Variants in INHBC observed in about 807,000 individuals in gnomAD.
The protein encoded by INHBC is inhibin subunit beta C.
A neutral mutation model predicts 12.4 loss-of-function variants in INHBC; 10 were observed. The observed-to-expected ratio is 0.81, with a 90% CI of 0.50 to 1.37. The LOEUF (loss-of-function observed/expected upper bound fraction) is 1.37, where lower values mean the gene tolerates loss of function less well. INHBC is among the 40% of genes most tolerant of loss of function. INHBC has a pLI of 0.00. For synonymous variants in INHBC, 147 were observed against 171.6 expected, an observed-to-expected ratio of 0.86 and a Z score of 1.12; for missense variants, 382 against 439.4, an observed-to-expected ratio of 0.87 and a Z score of 1.17.
rs761545181 is a variant in INHBC at position 57,435,114 on chromosome 12, G to C, written c.228G>C (p.Leu76=). The C allele has an allele frequency of 1.9e-6, 3 of 1,614,160 alleles. No individual in the cohort carries two copies. The South Asian group carries it at 3.3e-5, about 18-fold the overall frequency. ...PVSRAALRTA[L]QHLHGVPQGA... ...CCAGAGCTGCTTTGAGGACTGCACT[G>C]CAGCACCTCCACGGGGTCCCACAGG... The change falls in exon 1 of 2, where the codon CTG becomes CTC. Residue 76 remains leucine (L), a synonymous_variant. Transcript: ENST00000309668.
chr12:57,447,651 A>G (rs1870608737), intron 1 of INHBC, among the ~76,000 whole-genome samples: 1 of 149,070 alleles, frequency 6.7e-6, no homozygotes, highest in African/African-American at 2.5e-5. Context: ...TTGGGAGGCT[A>G]AGCAGGGCGA....
intron 1 of INHBC, among the ~76,000 whole-genome samples, chr12:57,439,496 T>C (rs1870412888): frequency 6.6e-6 from 1 of 152,226 alleles, no homozygotes; most frequent in Admixed American, 6.5e-5. Context: ...TGTTTGTGGC[T>C]GAGTAGTTTT....
At chr12:57,437,754 C>T (rs531480353) in intron 1 of INHBC, among the ~76,000 whole-genome samples, 1 of 149,504 alleles carries the variant, frequency 6.7e-6, no homozygotes, top group East Asian at 2.0e-4. Flanking sequence ...CTTCCCATTT[C>T]TGGCCCCTCA....
At chr12:57,447,040 C>T (rs1209148555) in intron 1 of INHBC, among the ~76,000 whole-genome samples, 1 of 151,876 alleles carries the variant, frequency 6.6e-6, no homozygotes, top group African/African-American at 2.4e-5. Flanking sequence ...GGAATAGAAA[C>T]CCAACTAAGA....
At chr12:57,441,687 T>A (rs1432129304) in intron 1 of INHBC, among the ~76,000 whole-genome samples, 104 of 592 alleles carry the variant, frequency 0.18, no homozygotes, top group Non-Finnish European at 0.41. Context: ...TCATGATTCT[T>A]TTTTTTTTTT....
chr12:57,450,121 G>C lies in INHBC; in HGVS notation c.*99G>C. 1 of 1,273,124 alleles carries C rather than the reference G, an allele frequency of 7.9e-7. No individual in the cohort carries two copies. Among genetic ancestry groups the C allele is most frequent in the South Asian group, 1.9e-5 (1 of 52,144 alleles). 78.9% of individuals were successfully genotyped at this position (1,273,124 alleles called of 1,614,324 possible). The stretch of plus-strand genomic sequence containing the variant: ...AGGGAATGACCTCATTCTCTGTCCA[G>C]AATGTGGACTCCCTCTTCCTGAGCA... On this transcript the variant is annotated 3_prime_UTR_variant, in exon 2 of 2. Coordinates refer to ENST00000309668, the MANE Select transcript of INHBC (RefSeq NM_005538.4).
intron 1 of INHBC, among the ~76,000 whole-genome samples, chr12:57,435,894 T>A (rs1870325812): frequency 6.6e-6 from 1 of 151,746 alleles, no homozygotes; most frequent in Non-Finnish European, 1.5e-5. Flanking sequence ...TCACCCAGGC[T>A]GGAGTGCAGT....
chr12:57,447,923 A>AT lies in INHBC; in HGVS notation c.314-1354_314-1353insT, dbSNP rs1566551466. Among the ~76,000 whole-genome samples, 228 of 85,532 alleles carry AT rather than the reference A, an allele frequency of 2.7e-3. 3 individuals carry two copies. The highest frequency in any genetic ancestry group is 4.2e-3 in the Non-Finnish European group (168 of 40,270). 56.1% of individuals were successfully genotyped at this position (85,532 alleles called of 152,430 possible). A position where few individuals can be genotyped will look rare whatever the true frequency, so the allele number is the denominator to read the frequency against. ...TATATATATATATATATATATATAT[A>AT]AAATATATGTGTGTGTGCTTGTGTT... On this transcript the variant is annotated intron_variant, in intron 1 of 1. Transcript: ENST00000309668.
In INHBC at chr12:57,451,996, AAATT is replaced by A; in HGVS notation, c.*1978_*1981del. The A allele has an allele frequency of 2.9e-6, 1 of 347,278 alleles. No individual in the cohort carries two copies. The highest frequency in any genetic ancestry group is 2.1e-5 in the South Asian group (1 of 46,964). 21.5% of individuals were successfully genotyped at this position (347,278 alleles called of 1,614,324 possible). On this transcript the variant is annotated 3_prime_UTR_variant, in exon 2 of 2. Transcript: ENST00000309668. ...TTAATGCAATATTATTTTAAAGTCA[AAATT>A]AATGCAAAAAATCCATGATGAACAA...
intron 1 of INHBC, among the ~76,000 whole-genome samples, chr12:57,446,052 A>C (rs531440701): frequency 1.3e-5 from 2 of 152,128 alleles, no homozygotes; most frequent in South Asian, 4.1e-4. Flanking sequence ...CTCCTGCCTC[A>C]GCCTCCCGAG....
In INHBC at chr12:57,449,708, C is replaced by T. The variant is rs537080352; in HGVS notation, c.745C>T (p.Arg249Ter). ...CCAAGGAGGGTCCAGGATGTGCTGTCGACAAGAGTTTTTTGTGGACTTCCG... is the reference window on the plus strand; with the variant it reads ...CCAAGGAGGGTCCAGGATGTGCTGTTGACAAGAGTTTTTTGTGGACTTCCG... The part of the protein sequence containing the change: ...DCQGGSRMCC[R>*]QEFFVDFREI... The change falls in exon 2 of 2, where the codon CGA becomes TGA. Residue 249 changes from arginine to a stop codon, truncating the protein, a stop_gained. Coordinates refer to ENST00000309668, the MANE Select transcript of INHBC (RefSeq NM_005538.4). LOFTEE classifies it high-confidence loss of function. 9.3e-6 allele frequency: 15 copies of T among 1,614,108 alleles called. No individual in the cohort carries two copies. The highest frequency in any genetic ancestry group is 5.3e-5 in the African/African-American group (4 of 74,940).
At chr12:57,439,646 A>T (rs1042089398) in intron 1 of INHBC, among the ~76,000 whole-genome samples, 1 of 152,142 alleles carries the variant, frequency 6.6e-6, no homozygotes, top group East Asian at 1.9e-4. Context: ...AATAAATTGT[A>T]GTCTACTCAG....
At chr12:57,446,452 A>G (rs995471632) in intron 1 of INHBC, among the ~76,000 whole-genome samples, 1 of 142,524 alleles carries the variant, frequency 7.0e-6, no homozygotes, top group Non-Finnish European at 1.5e-5. Flanking sequence ...AAGGGAGCTT[A>G]GGACTTTATT....
intron 1 of INHBC, among the ~76,000 whole-genome samples, chr12:57,445,717 C>T (rs558106269): frequency 6.9e-6 from 1 of 145,242 alleles, no homozygotes; most frequent in Admixed American, 6.9e-5. Context: ...AGTGAGACCC[C>T]CCGCCCATCT....
intron 1 of INHBC, among the ~76,000 whole-genome samples, chr12:57,446,916 T>G (rs1047295111): frequency 6.6e-6 from 1 of 151,108 alleles, no homozygotes; most frequent in African/African-American, 2.4e-5. Flanking sequence ...AAGGAGGGAG[T>G]GGTTAACTGT....
Position 57,438,796 on chromosome 12 carries a change from C to G in INHBC, c.313+3597C>G, listed in dbSNP as rs1052681626. ...TCTCCCACAAGCAAAATACAATCAT[C>G]CTCTCCCAGCTACCCACATCAAAAT... On this transcript the variant is annotated intron_variant, in intron 1 of 1. Coordinates refer to ENST00000309668, the MANE Select transcript of INHBC (RefSeq NM_005538.4). 2.6e-5 allele frequency among the ~76,000 whole-genome samples: 4 copies of G among 152,162 alleles called. No individual in the cohort carries two copies. The East Asian group carries it at 7.7e-4, about 29-fold the overall frequency.
Position 57,449,742 on chromosome 12 carries a change from G to T in INHBC, c.779G>T (p.Gly260Val). The change falls in exon 2 of 2, where the codon GGC becomes GTC. Residue 260 changes from glycine (G) to valine (V), a missense_variant. Gly to Val is a moderately radical substitution (Grantham distance 109). Coordinates refer to ENST00000309668, the MANE Select transcript of INHBC (RefSeq NM_005538.4). ...QEFFVDFREIGWHDWIIQPEG... is the reference protein window; with the variant it reads ...QEFFVDFREIVWHDWIIQPEG... ...TTTTTTGTGGACTTCCGTGAGATTG[G>T]CTGGCACGACTGGATCATCCAGCCT... 6.2e-7 allele frequency: 1 copy of T among 1,614,246 alleles called. No individual in the cohort carries two copies. The highest frequency in any genetic ancestry group is 8.5e-7 in the Non-Finnish European group (1 of 1,180,050).
In INHBC at chr12:57,449,302, T is replaced by A. The variant is rs979670254; in HGVS notation, c.339T>A (p.Arg113=). ...GCCTCTCCACCATCAACCAGACTCG[T>A]CTTGATTTTCACTTCTCCTCTGATA... ...ETGLSTINQT[R]LDFHFSSDRT... is the part of the protein sequence containing the mutation. Residue 113 remains arginine (R), a synonymous_variant, in exon 2 of 2, where the codon CGT becomes CGA. Coordinates refer to ENST00000309668, the MANE Select transcript of INHBC (RefSeq NM_005538.4). 1.9e-6 allele frequency: 3 copies of A among 1,613,938 alleles called. No individual in the cohort carries two copies. The highest frequency in any genetic ancestry group is 2.5e-6 in the Non-Finnish European group (3 of 1,179,922).
At chr12:57,443,528 C>T (rs1870513195) in intron 1 of INHBC, among the ~76,000 whole-genome samples, 1 of 152,060 alleles carries the variant, frequency 6.6e-6, no homozygotes, top group Admixed American at 6.6e-5. Context: ...AGGTGATCCA[C>T]CCACCTTGGC....
Sources: gnomAD v4.1 joint callset for allele counts (sites outside exome capture counted in the v4.1 genomes callset) on GRCh38, gnomAD v4.1.1 for gene constraint, MANE v1.5 for transcripts, NCBI Gene and HGNC (gene_info 2026-07-23, HGNC 2026-07-21) for gene names.